Variants in GLIS2 observed in about 807,000 individuals in gnomAD.
The protein encoded by GLIS2 is zinc finger protein GLIS2.
A neutral mutation model predicts 35.6 loss-of-function variants in GLIS2; 14 were observed. The observed-to-expected ratio is 0.39, with a 90% CI of 0.26 to 0.61. The LOEUF (loss-of-function observed/expected upper bound fraction) is 0.61, where lower values mean the gene tolerates loss of function less well. Ranked by LOEUF, GLIS2 falls within the 20% of genes least tolerant of loss-of-function variation. GLIS2 has a pLI of 0.48. For synonymous variants in GLIS2, 368 were observed against 325.1 expected (o/e 1.13, Z -1.42); for missense variants, 675 against 713.4 (o/e 0.95, Z 0.61).
rs1227638344 is a variant in GLIS2 at position 4,338,886 on chromosome 16, C to T, written c.*1362C>T. Reference sequence around the variant, plus strand: ...TGGGGCCTCTCCCTGCTCCCTCTCCCACCTGGCAGCTGGGAGTTCTGGCTT... The same window carrying T: ...TGGGGCCTCTCCCTGCTCCCTCTCCTACCTGGCAGCTGGGAGTTCTGGCTT... On this transcript the variant is annotated 3_prime_UTR_variant, in exon 7 of 7. Coordinates refer to ENST00000433375, the MANE Select transcript of GLIS2 (RefSeq NM_032575.3). The T allele has an allele frequency of 1.3e-5, 2 of 152,384 alleles. No individual in the cohort carries two copies. Among genetic ancestry groups the T allele is most frequent in the African/African-American group, 4.8e-5 (2 of 41,476 alleles). The allele number at this position is 152,384 out of a possible 1,614,324, so 9.4% of individuals were successfully genotyped here. A position where few individuals can be genotyped will look rare whatever the true frequency, so the allele number is the denominator to read the frequency against.
chr16:4,332,013 T>C lies in GLIS2; in HGVS notation c.-66-202T>C, dbSNP rs1357522790. ...AGCTTTGTCTTCCCCAAGAGACTCA[T>C]GGGAAGCAGATGCGGAATCTCTGAG... On this transcript the variant is annotated intron_variant, in intron 1 of 6. Transcript: ENST00000433375. This position sits in a 1 kb window ranked among gnomAD's most constrained non-coding sequence, Gnocchi z 5.4. Among the ~76,000 whole-genome samples the C allele has an allele frequency of 1.3e-5, 2 of 152,164 alleles. No homozygotes were observed. The highest frequency in any genetic ancestry group is 1.9e-4 in the East Asian group (1 of 5,190).
chr16:4,321,674 G>A (rs1010901231), intron 1 of GLIS2, among the ~76,000 whole-genome samples: 2 of 152,308 alleles, frequency 1.3e-5, no homozygotes, highest in African/African-American at 4.8e-5. Context: ...CGTGCCAGGG[G>A]CCGTGGGAAC....
chr16:4,329,178 A>C (rs1377528125), intron 1 of GLIS2: 1 of 152,224 alleles, frequency 6.6e-6, no homozygotes, highest in Non-Finnish European at 1.5e-5. Context: ...AGGTAGCAGG[A>C]CGATAGACAC....
At chr16:4,328,841 C>G (rs762539232) in intron 1 of GLIS2, among the ~76,000 whole-genome samples, 7 of 152,226 alleles carry the variant, frequency 4.6e-5, no homozygotes, top group Non-Finnish European at 1.0e-4. Flanking sequence ...CCCCGAGTCC[C>G]CATCTGTCCT....
intron 1 of GLIS2, among the ~76,000 whole-genome samples, chr16:4,329,989 ACAC>A (rs1429533650): frequency 1.3e-5 from 2 of 152,148 alleles, no homozygotes; most frequent in Non-Finnish European, 2.9e-5. Flanking sequence ...GAGGAAAATT[ACAC>A]CAGGTGGGGC....
At chr16:4,334,725 CCATT>C (rs1458651774) in intron 3 of GLIS2, 72 bp from the exon 4 acceptor site, 1 of 1,552,604 alleles carries the variant, frequency 6.4e-7, no homozygotes, top group East Asian at 2.2e-5. Flanking sequence ...TTTGGGGACA[CCATT>C]CAGTCCACTA....
Position 4,332,121 on chromosome 16 carries a change from C to A in GLIS2, c.-66-94C>A. 1 of 927,990 alleles carries A rather than the reference C, an allele frequency of 1.1e-6. No individual in the cohort carries two copies. The highest frequency in any genetic ancestry group is 1.7e-6 in the Non-Finnish European group (1 of 595,380). The allele number at this position is 927,990 out of a possible 1,614,324, so 57.5% of individuals were successfully genotyped here. The stretch of plus-strand genomic sequence containing the variant: ...CTACCCAGGAGACAACCTCACACTG[C>A]CCCCTGCTCCTGCTCCTGTTAGACT... On this transcript the variant is annotated intron_variant, in intron 1 of 6. Transcript: ENST00000433375. The surrounding 1 kb of genome is among the most constrained non-coding windows in gnomAD (Gnocchi z 5.4).
intron 1 of GLIS2, among the ~76,000 whole-genome samples, chr16:4,316,779 C>A (rs1161191112): frequency 6.6e-6 from 1 of 152,122 alleles, no homozygotes; most frequent in East Asian, 1.9e-4. Flanking sequence ...CGGGAAGGGG[C>A]GTCCCTGGGG....
chr16:4,327,439 C>T (rs2053444253), intron 1 of GLIS2, among the ~76,000 whole-genome samples: 1 of 152,244 alleles, frequency 6.6e-6, no homozygotes, highest in Admixed American at 6.5e-5. Context: ...CTGTCTTTTC[C>T]GGGCCTTAGT....
chr16:4,327,371 T>C (rs1347804728), intron 1 of GLIS2, among the ~76,000 whole-genome samples: 2 of 152,240 alleles, frequency 1.3e-5, no homozygotes, highest in African/African-American at 4.8e-5. Context: ...CAGTACCTAA[T>C]GGTCCTTTAC....
chr16:4,337,881 T>A lies in GLIS2; in HGVS notation c.*357T>A. ...AGTGACCACCCATGGCAAGTTGCCC[T>A]CTCCCAGCAGAGGGGGTGGGTGGGG... On this transcript the variant is annotated 3_prime_UTR_variant, in exon 7 of 7. Coordinates refer to ENST00000433375, the MANE Select transcript of GLIS2 (RefSeq NM_032575.3). The A allele has an allele frequency of 2.5e-6, 1 of 400,326 alleles. No homozygotes were observed. The highest frequency in any genetic ancestry group is 4.7e-6 in the Non-Finnish European group (1 of 214,022). 24.8% of individuals were successfully genotyped at this position (400,326 alleles called of 1,614,324 possible).
chr16:4,317,192 G>T (rs2053322672), intron 1 of GLIS2, among the ~76,000 whole-genome samples: 1 of 152,152 alleles, frequency 6.6e-6, no homozygotes, highest in Non-Finnish European at 1.5e-5. Flanking sequence ...AAGCTGGAAG[G>T]GATGCTGGGA....
intron 1 of GLIS2, among the ~76,000 whole-genome samples, chr16:4,319,799 G>C (rs984874975): frequency 3.3e-5 from 5 of 152,150 alleles, no homozygotes; most frequent in Admixed American, 2.6e-4. Flanking sequence ...GGAGACCCAG[G>C]TTTCTCTCCT....
intron 1 of GLIS2, among the ~76,000 whole-genome samples, chr16:4,321,695 G>A (rs1225105405): frequency 6.6e-6 from 1 of 152,222 alleles, no homozygotes; most frequent in Non-Finnish European, 1.5e-5. Flanking sequence ...TGGGGCAGGG[G>A]TCTGCTGGTG....
rs2053533173 is a variant in GLIS2, at chr16:4,334,859, C to T, written c.404C>T (p.Pro135Leu). 1.9e-6 allele frequency: 3 copies of T among 1,613,274 alleles called. No homozygotes were observed. Among genetic ancestry groups the T allele is most frequent in the South Asian group, 2.2e-5 (2 of 91,082 alleles). Residue 135 changes from proline (P) to leucine (L), a missense_variant, in exon 4 of 7, where the codon CCC becomes CTC. Around this residue, in one of 3 missense-constraint regions of GLIS2, gnomAD observed 225 missense variants for 238.7 expected, o/e 0.94. Transcript: ENST00000433375. The stretch of plus-strand genomic sequence containing the variant: ...CCCAGCTCCTTCCAGTTCTTCCTGC[C>T]CCTCGGCTCCGGGGGGGCCCTGCAC... ...GVPSSFQFFL[P>L]LGSGGALHLP...
Position 4,337,818 on chromosome 16 carries a change from T to C in GLIS2, c.*294T>C, listed in dbSNP as rs1275493423. ...AGAGGCTTTCCCCTGCCCGACCTCC[T>C]CCCGTTTCCCTCTCCCACCCTGGCA... On this transcript the variant is annotated 3_prime_UTR_variant, in exon 7 of 7. Transcript: ENST00000433375. The C allele has an allele frequency of 9.1e-6, 5 of 547,558 alleles. No homozygotes were observed. Among genetic ancestry groups the C allele is most frequent in the Admixed American group, 3.1e-5 (1 of 32,290 alleles). 33.9% of individuals were successfully genotyped at this position (547,558 alleles called of 1,614,324 possible). A position where few individuals can be genotyped will look rare whatever the true frequency, so the allele number is the denominator to read the frequency against.
intron 1 of GLIS2, among the ~76,000 whole-genome samples, chr16:4,319,337 G>C (rs2053350222): frequency 6.6e-6 from 1 of 152,284 alleles, no homozygotes; most frequent in South Asian, 2.1e-4. Flanking sequence ...GCGGGGCTGT[G>C]TATTGAGCAG....
intron 1 of GLIS2, among the ~76,000 whole-genome samples, chr16:4,329,734 T>TA (rs1186250320): frequency 6.6e-6 from 1 of 152,174 alleles, no homozygotes; most frequent in African/African-American, 2.4e-5. Flanking sequence ...ATGTAGTAGT[T>TA]ATGTCCACCA....
chr16:4,329,609 G>A (rs2053476339), intron 1 of GLIS2, among the ~76,000 whole-genome samples: 1 of 152,200 alleles, frequency 6.6e-6, no homozygotes, highest in Non-Finnish European at 1.5e-5. Context: ...CAGGGCAGAA[G>A]GGGAGGACGT....
Sources: gnomAD v4.1 joint callset for allele counts (sites outside exome capture counted in the v4.1 genomes callset) on GRCh38, gnomAD v4.1.1 for gene constraint, gnomAD v4.1.1 regional missense constraint, Gnocchi (gnomAD v3.1) non-coding constraint, MANE v1.5 for transcripts, NCBI Gene and HGNC (gene_info 2026-07-23, HGNC 2026-07-21) for gene names.